Variants in COL4A4 observed in about 807,000 individuals in gnomAD.
COL4A4 encodes collagen type IV alpha 4 chain, also known as collagen alpha-4(IV) chain.
Under a neutral mutation model 192.9 loss-of-function variants are expected in COL4A4, and 105 were observed. That is an observed-to-expected ratio of 0.54 (90% CI 0.46 to 0.64). The LOEUF is 0.64. Among genes scored for constraint, COL4A4 ranks in the 30% least tolerant of loss-of-function variants. The pLI is 0.00. For missense variants in COL4A4, 1,967 were observed against 2,169.3 expected, an observed-to-expected ratio of 0.91 and a Z score of 1.85; for synonymous variants, 762 against 769.9, an observed-to-expected ratio of 0.99 and a Z score of 0.17.
At chr2:227,017,593 G>A (rs1965169452) in intron 44 of COL4A4, among the ~76,000 whole-genome samples, 1 of 152,132 alleles carries the variant, frequency 6.6e-6, no homozygotes, top group African/African-American at 2.4e-5. Flanking sequence ...GGGCCGCCCT[G>A]GAAGGAAAAG....
chr2:226,994,307 T>C, the COL4A4 span, among the ~76,000 whole-genome samples: 2 of 152,216 alleles, frequency 1.3e-5, no homozygotes, highest in African/African-American at 2.4e-5. Flanking sequence ...TTAGAGCTTA[T>C]GATCCTGGTA....
chr2:227,137,877 G>T (rs1038687125), intron 4 of COL4A4, among the ~76,000 whole-genome samples: 2 of 151,948 alleles, frequency 1.3e-5, no homozygotes, highest in African/African-American at 4.8e-5. Context: ...TACAATCTTG[G>T]TATATTTACA....
At position 227,012,309 on chromosome 2, in the gene COL4A4, T is replaced by C. The variant is rs1338822839; in HGVS notation, c.4217-12A>G. 1 of 1,605,302 alleles carries C rather than the reference T, an allele frequency of 6.2e-7. No individual in the cohort carries two copies. Among genetic ancestry groups the C allele is most frequent in the East Asian group, 2.2e-5 (1 of 44,826 alleles). On this transcript the variant is annotated splice_polypyrimidine_tract_variant and intron_variant, in intron 44 of 47. Coordinates refer to ENST00000396625, the MANE Select transcript of COL4A4 (RefSeq NM_000092.5). ...CTCTCCTTTGCACCCTGCACAAAAG[T>C]TTATGATGCTGGTGGTGAAAGCAAC...
Position 227,041,671 on chromosome 2 carries a change from G to A in COL4A4, c.3505+477C>T, listed in dbSNP as rs556262174. On this transcript the variant is annotated intron_variant, in intron 37 of 47. Coordinates refer to ENST00000396625, the MANE Select transcript of COL4A4 (RefSeq NM_000092.5). ...AAGAAAAAAGAAAAGGAAAGAAAAG[G>A]AAAAAAGAAAGAAAGACAGAGAGAG... 3.0e-5 allele frequency among the ~76,000 whole-genome samples: 4 copies of A among 131,658 alleles called. No homozygotes were observed. The Admixed American group carries it at 3.2e-4, about 11-fold the overall frequency. The allele number at this position is 131,658 out of a possible 152,430, so 86.4% of individuals were successfully genotyped here.
At chr2:227,144,697 G>GA in intron 2 of COL4A4, 139 bp from the exon 3 acceptor site, 1 of 680,466 alleles carries the variant, frequency 1.5e-6, no homozygotes. Context: ...CTTGTCATCA[G>GA]TGACAAGATC....
chr2:226,979,730 C>T, the COL4A4 span, among the ~76,000 whole-genome samples: 2 of 152,218 alleles, frequency 1.3e-5, no homozygotes, highest in Non-Finnish European at 2.9e-5. Context: ...AGTCGCCTGA[C>T]TTGAATGTCG....
rs1469693518 is a variant in COL4A4, at chr2:227,060,124, A to C, written c.2164+12T>G. 1.4e-5 allele frequency: 20 copies of C among 1,450,414 alleles called. No homozygotes were observed. Among genetic ancestry groups the C allele is most frequent in the African/African-American group, 2.9e-5 (2 of 69,460 alleles). 89.8% of individuals were successfully genotyped at this position (1,450,414 alleles called of 1,614,324 possible). On this transcript the variant is annotated intron_variant, in intron 27 of 47. Transcript: ENST00000396625. ...CAGAAAAAAAAAAAAAAAAAAAAAA[A>C]ACCTCACTGACCAGGTGGACCTGGT...
At chr2:227,035,817 G>A (rs1439424207) in intron 37 of COL4A4, among the ~76,000 whole-genome samples, 2 of 152,100 alleles carry the variant, frequency 1.3e-5, no homozygotes, top group African/African-American at 2.4e-5. Flanking sequence ...GGACTTGGCT[G>A]GGGTGGAATG....
rs750989479 is a variant in COL4A4, at chr2:227,118,633, T to C, written c.489+12A>G. On this transcript the variant is annotated intron_variant, in intron 7 of 47. Transcript: ENST00000396625. The stretch of plus-strand genomic sequence containing the variant: ...TTAAGATTCCTGTTAAGATGAACTG[T>C]GGGTATCTTACTAGGGGGCCTCCTG... The C allele has an allele frequency of 6.4e-7, 1 of 1,569,198 alleles. No individual in the cohort carries two copies. Among genetic ancestry groups the C allele is most frequent in the South Asian group, 1.1e-5 (1 of 90,256 alleles).
At chr2:227,116,789 A>G (rs748475035) in intron 7 of COL4A4, among the ~76,000 whole-genome samples, 32 of 152,206 alleles carry the variant, frequency 2.1e-4, no homozygotes, top group Non-Finnish European at 4.6e-4. Context: ...TGAAAACTTC[A>G]CATTAAAGGA....
rs755339608 is a variant in COL4A4 at position 227,007,292 on chromosome 2, C to A, written c.*33G>T. ...GAAGTCTTAGCCCCCTAGGAAGTTT[C>A]TCTTGGCCACGTGTTGGTGAATTTC... On this transcript the variant is annotated 3_prime_UTR_variant, in exon 48 of 48. Coordinates refer to ENST00000396625, the MANE Select transcript of COL4A4 (RefSeq NM_000092.5). 9.9e-6 allele frequency: 16 copies of A among 1,613,970 alleles called. No individual in the cohort carries two copies. Among genetic ancestry groups the A allele is most frequent in the South Asian group, 8.8e-5 (8 of 91,016 alleles).
chr2:227,041,856 A>AAGAGAG (rs1237060194), intron 37 of COL4A4, among the ~76,000 whole-genome samples: 1 of 96,976 alleles, frequency 1.0e-5, no homozygotes, highest in Non-Finnish European at 2.1e-5. Flanking sequence ...AAGAGAAAGA[A>AAGAGAG]AGAAAGAAAG....
At chr2:226,973,953 G>T in the COL4A4 span, among the ~76,000 whole-genome samples, 1 of 152,164 alleles carries the variant, frequency 6.6e-6, no homozygotes, top group African/African-American at 2.4e-5. Context: ...TAGCAGAGTG[G>T]CTGCCTCTCT....
intron 17 of COL4A4, among the ~76,000 whole-genome samples, chr2:227,100,023 C>T (rs572718559): frequency 1.3e-5 from 2 of 152,304 alleles, no homozygotes; most frequent in South Asian, 4.1e-4. Context: ...TCTAACTTGG[C>T]ATCGATGACA....
chr2:227,123,779 C>T lies in COL4A4; in HGVS notation c.193-2631G>A, dbSNP rs142388007. On this transcript the variant is annotated intron_variant, in intron 4 of 47. Coordinates refer to ENST00000396625, the MANE Select transcript of COL4A4 (RefSeq NM_000092.5). This position sits in a 1 kb window ranked among gnomAD's most constrained non-coding sequence, Gnocchi z 4.6. ...GAAGACGTGTGGGACCCCAAAAGCA[C>T]GTGCAAGCTGCCAGCAAAGTCCATC... Among the ~76,000 whole-genome samples, 50 of 152,282 alleles carry T rather than the reference C, an allele frequency of 3.3e-4. No individual in the cohort carries two copies. The highest frequency in any genetic ancestry group is 2.0e-4 in the Admixed American group (3 of 15,292).
chr2:226,979,821 C>G, the COL4A4 span, among the ~76,000 whole-genome samples: 1 of 152,220 alleles, frequency 6.6e-6, no homozygotes, highest in Non-Finnish European at 1.5e-5. Context: ...CAGTCTAGTT[C>G]ACACCTACAT....
rs2063420678 is a variant in COL4A4, at chr2:227,144,544, A to T, written c.86T>A (p.Ile29Asn). The change falls in exon 3 of 48, where the codon ATT becomes AAT. Residue 29 changes from isoleucine to asparagine, a missense_variant. Coordinates refer to ENST00000396625, the MANE Select transcript of COL4A4 (RefSeq NM_000092.5). ...ATATACATATTGTACAGAAAAGAGA[A>T]TGAGTATAAGTGACCTACAGAAAAA... ...LATGPWSLIL[I>N]LFSVQYVYGS... 6.2e-7 allele frequency: 1 copy of T among 1,609,570 alleles called. No individual in the cohort carries two copies. The highest frequency in any genetic ancestry group is 8.5e-7 in the Non-Finnish European group (1 of 1,175,950).
At chr2:227,022,007 T>C in intron 44 of COL4A4, 41 bp downstream of exon 44, 2 of 1,598,360 alleles carry the variant, frequency 1.3e-6, no homozygotes, top group Non-Finnish European at 1.7e-6. Flanking sequence ...ATTTCAGCAA[T>C]ATATCATGAA....
chr2:227,115,573 CT>C (rs1344318035), intron 7 of COL4A4, among the ~76,000 whole-genome samples: 3 of 151,544 alleles, frequency 2.0e-5, no homozygotes, highest in African/African-American at 7.3e-5. Flanking sequence ...TGCCCGGCCC[CT>C]ACTTCAATTC....
Sources: allele counts gnomAD v4.1 joint callset (sites outside exome capture counted in the v4.1 genomes callset), GRCh38; gene constraint gnomAD v4.1.1; non-coding constraint Gnocchi (gnomAD v3.1); transcripts MANE v1.5; gene names NCBI Gene and HGNC (gene_info 2026-07-23, HGNC 2026-07-21).